Variants in RIC8B observed in about 807,000 individuals in gnomAD.
The protein encoded by RIC8B is RIC8 guanine nucleotide exchange factor B.
In RIC8B, 16 loss-of-function variants were observed where a neutral mutation model predicts 57.5. The ratio of observed to expected loss-of-function variants is 0.28; its 90% CI spans 0.19 to 0.42. The LOEUF (loss-of-function observed/expected upper bound fraction) is 0.42. Ranked by LOEUF, RIC8B falls within the 10% of genes least tolerant of loss-of-function variation. RIC8B has a pLI of 1.00. For missense variants in RIC8B, 481 were observed against 677.0 expected (o/e 0.71, Z 3.21); for synonymous variants, 216 against 250.8 (o/e 0.86, Z 1.31).
chr12:106,875,808 T>C (rs981199505), intron 9 of RIC8B, among the ~76,000 whole-genome samples: 2 of 152,154 alleles, frequency 1.3e-5, no homozygotes, highest in Non-Finnish European at 2.9e-5. Flanking sequence ...TGCCAGTCAT[T>C]GTGTACTATT....
Position 106,872,686 on chromosome 12 carries a change from A to C in RIC8B, c.1571+1744A>C, listed in dbSNP as rs969680330. Among the ~76,000 whole-genome samples the C allele has an allele frequency of 5.9e-5, 9 of 151,334 alleles. 1 individual carries two copies. The highest frequency in any genetic ancestry group is 1.3e-4 in the Admixed American group (2 of 15,210). On this transcript the variant is annotated intron_variant, in intron 9 of 9. Transcript: ENST00000392837. ...CTCTGTCTCAAAAAAAAAAAAAAAA[A>C]CAAACCCGACAGAGTCCATCTGGTA...
rs1331782908 is a variant in RIC8B at position 106,785,811 on chromosome 12, CTCTGTG to C, written c.132+1769_132+1774del. Among the ~76,000 whole-genome samples, 57 of 122,356 alleles carry C rather than the reference CTCTGTG, an allele frequency of 4.7e-4. 1 individual carries two copies. Among genetic ancestry groups the C allele is most frequent in the Admixed American group, 1.0e-3 (12 of 11,832 alleles). The allele number at this position is 122,356 out of a possible 152,430, so 80.3% of individuals were successfully genotyped here. A position where few individuals can be genotyped will look rare whatever the true frequency, so the allele number is the denominator to read the frequency against. ...TCTCTCTCTCTCTCTCTCTCTCTCTCTCTGTGTGTGTGTGTGTGTGTGTGTGTGTGT... is the reference window on the plus strand; with the variant it reads ...TCTCTCTCTCTCTCTCTCTCTCTCTCTGTGTGTGTGTGTGTGTGTGTGTGT... On this transcript the variant is annotated intron_variant, in intron 2 of 9. Transcript: ENST00000392837.
rs1951208741 is a variant in RIC8B, at chr12:106,886,977, A to G, written c.*962A>G. 6.6e-6 allele frequency: 1 copy of G among 152,552 alleles called. No individual in the cohort carries two copies. Among genetic ancestry groups the G allele is most frequent in the South Asian group, 2.1e-4 (1 of 4,826 alleles). 9.4% of individuals were successfully genotyped at this position (152,552 alleles called of 1,614,324 possible). A position where few individuals can be genotyped will look rare whatever the true frequency, so the allele number is the denominator to read the frequency against. ...TGTGTGTGAGTTCTACGTTTCTACC[A>G]TATGTGATCAGTTTAATAGTAACTT... On this transcript the variant is annotated 3_prime_UTR_variant, in exon 10 of 10. Coordinates refer to ENST00000392837, the MANE Select transcript of RIC8B (RefSeq NM_001330145.2).
intron 6 of RIC8B, among the ~76,000 whole-genome samples, chr12:106,848,879 T>C (rs1055034762): frequency 6.6e-6 from 1 of 152,096 alleles, no homozygotes; most frequent in Non-Finnish European, 1.5e-5. Context: ...TCAATAGATA[T>C]AAAATTTCAA....
intron 3 of RIC8B, chr12:106,822,441 T>TA: frequency 6.6e-6 from 1 of 152,326 alleles, no homozygotes; most frequent in South Asian, 2.1e-4. Context: ...AAATGACATG[T>TA]AAAAATTGTG....
chr12:106,861,432 G>T (rs903008998), intron 8 of RIC8B, among the ~76,000 whole-genome samples: 3 of 152,028 alleles, frequency 2.0e-5, no homozygotes, highest in Non-Finnish European at 2.9e-5. Context: ...GACATATATG[G>T]CCTGTTTCTT....
chr12:106,880,890 C>T (rs1393845981), intron 9 of RIC8B, among the ~76,000 whole-genome samples: 1 of 152,072 alleles, frequency 6.6e-6, no homozygotes, highest in African/African-American at 2.4e-5. Context: ...GAATGTTAAT[C>T]CTGTTTCTAA....
rs1852315260 is a variant in RIC8B at position 106,814,967 on chromosome 12, G to A, written c.404G>A (p.Ser135Asn). 1 of 1,614,096 alleles carries A rather than the reference G, an allele frequency of 6.2e-7. No homozygotes were observed. Among genetic ancestry groups the A allele is most frequent in the Non-Finnish European group, 8.5e-7 (1 of 1,180,056 alleles). ...AACAGTCAGATGGCACAGCAGCTCA[G>A]CCTGGAACTTAATCTTGCTGCAAAG... is the stretch of plus-strand genomic sequence containing the variant. ...VFNSQMAQQL[S>N]LELNLAAKLC... The change falls in exon 3 of 10, where the codon AGC (serine) becomes AAC (asparagine). Residue 135 changes from serine (S) to asparagine (N), a missense_variant. By Grantham distance (46) the Ser-to-Asn change is conservative (BLOSUM62 1). Coordinates refer to ENST00000392837, the MANE Select transcript of RIC8B (RefSeq NM_001330145.2).
At chr12:106,862,249 T>G (rs1949973790) in intron 8 of RIC8B, among the ~76,000 whole-genome samples, 3 of 152,122 alleles carry the variant, frequency 2.0e-5, no homozygotes, top group Admixed American at 2.0e-4. Flanking sequence ...TTGTTGTATT[T>G]CTTAAACACT....
chr12:106,871,505 A>T (rs1950426837), intron 9 of RIC8B: 1 of 148,516 alleles, frequency 6.7e-6, no homozygotes, highest in African/African-American at 2.6e-5. Flanking sequence ...AAAACCAAAA[A>T]ACTCCCCTTC....
rs73397397 is a variant in RIC8B, at chr12:106,814,354, A to G, written c.133-342A>G. Reference sequence around the variant, plus strand: ...GTTTCTGAAACATGGGACTGCTGCTAAAGAGCTATAAATTCAGAAGCAATA... The same window carrying G: ...GTTTCTGAAACATGGGACTGCTGCTGAAGAGCTATAAATTCAGAAGCAATA... On this transcript the variant is annotated intron_variant, in intron 2 of 9. Coordinates refer to ENST00000392837, the MANE Select transcript of RIC8B (RefSeq NM_001330145.2). Among the ~76,000 whole-genome samples, 132 of 152,348 alleles carry G rather than the reference A, an allele frequency of 8.7e-4. 2 individuals are homozygous for G. Among genetic ancestry groups the G allele is most frequent in the African/African-American group, 2.7e-3 (113 of 41,584 alleles).
intron 3 of RIC8B, among the ~76,000 whole-genome samples, 192 bp downstream of exon 3, chr12:106,815,496 C>G (rs1390649713): frequency 6.6e-6 from 1 of 152,174 alleles, no homozygotes; most frequent in Non-Finnish European, 1.5e-5. Context: ...TGTGATAACA[C>G]CTATCAGAAT....
chr12:106,776,957 A>G (rs551883980), intron 1 of RIC8B, among the ~76,000 whole-genome samples: 4 of 152,160 alleles, frequency 2.6e-5, no homozygotes, highest in African/African-American at 9.6e-5. Context: ...TGCAGCCTCC[A>G]TCTCCTCCCC....
rs1485281639 is a variant in RIC8B, at chr12:106,842,859, A to G, written c.1065+42A>G. On this transcript the variant is annotated intron_variant, in intron 5 of 9. Coordinates refer to ENST00000392837, the MANE Select transcript of RIC8B (RefSeq NM_001330145.2). ...GGAAGCCCTGGGAAGATGCTTCCAA[A>G]GAATGTAAATGTGCCATACATACAG... is the stretch of plus-strand genomic sequence containing the variant. 6.3e-6 allele frequency: 8 copies of G among 1,271,286 alleles called. No individual in the cohort carries two copies. The Admixed American group carries it at 1.4e-4, about 23-fold the overall frequency. 78.8% of individuals were successfully genotyped at this position (1,271,286 alleles called of 1,614,324 possible). A position where few individuals can be genotyped will look rare whatever the true frequency, so the allele number is the denominator to read the frequency against.
At position 106,867,573 on chromosome 12, in the gene RIC8B, T is replaced by C. The variant is rs1328972591; in HGVS notation, c.1452-3250T>C. ...GACTGTACTATTTGAGGTTGAAAGGTGTCAGGTATTTGTTCCACCAAAAGT... is the reference window on the plus strand; with the variant it reads ...GACTGTACTATTTGAGGTTGAAAGGCGTCAGGTATTTGTTCCACCAAAAGT... On this transcript the variant is annotated intron_variant, in intron 8 of 9. Transcript: ENST00000392837. The surrounding 1 kb of genome is among the most constrained non-coding windows in gnomAD (Gnocchi z 4.3). Among the ~76,000 whole-genome samples the C allele has an allele frequency of 6.6e-6, 1 of 152,180 alleles. No individual in the cohort carries two copies. Among genetic ancestry groups the C allele is most frequent in the Non-Finnish European group, 1.5e-5 (1 of 68,034 alleles).
intron 6 of RIC8B, among the ~76,000 whole-genome samples, chr12:106,849,665 A>T (rs951018170): frequency 3.9e-5 from 6 of 152,090 alleles, no homozygotes; most frequent in African/African-American, 1.4e-4. Context: ...AGTTAACAGG[A>T]TGACTTCAGG....
rs150270565 is a variant in RIC8B, at chr12:106,775,824, C to A, written c.84+995C>A. The stretch of plus-strand genomic sequence containing the variant: ...GACTGGCGACTCCCTTCTGTGAAAA[C>A]ACACCCAACACCAAGTCACAACCTA... On this transcript the variant is annotated intron_variant, in intron 1 of 9. Coordinates refer to ENST00000392837, the MANE Select transcript of RIC8B (RefSeq NM_001330145.2). Among the ~76,000 whole-genome samples, 638 of 152,314 alleles carry A rather than the reference C, an allele frequency of 4.2e-3. 2 individuals are homozygous for A. The highest frequency in any genetic ancestry group is 0.014 in the African/African-American group (584 of 41,564).
intron 2 of RIC8B, among the ~76,000 whole-genome samples, chr12:106,784,764 C>T (rs906900076): frequency 6.6e-6 from 1 of 152,224 alleles, no homozygotes; most frequent in Non-Finnish European, 1.5e-5. Context: ...TCTATCACTG[C>T]TGCTAGAAAA....
chr12:106,861,447 A>T (rs776416646), intron 8 of RIC8B, among the ~76,000 whole-genome samples: 2 of 152,090 alleles, frequency 1.3e-5, no homozygotes, highest in Non-Finnish European at 2.9e-5. Flanking sequence ...TTTCTTGGCA[A>T]ATCAGGTCTG....
Sources: gnomAD v4.1 joint callset for allele counts (sites outside exome capture counted in the v4.1 genomes callset) on GRCh38, gnomAD v4.1.1 for gene constraint, Gnocchi (gnomAD v3.1) non-coding constraint, MANE v1.5 for transcripts, NCBI Gene and HGNC (gene_info 2026-07-23, HGNC 2026-07-21) for gene names.